Variants in NRG3 observed in about 807,000 individuals in gnomAD.
NRG3 encodes the protein neuregulin 3.
A neutral mutation model predicts 66.9 loss-of-function variants in NRG3; 31 were observed. The observed-to-expected ratio is 0.46, with a 90% CI of 0.35 to 0.63. The LOEUF (loss-of-function observed/expected upper bound fraction) is 0.63. Among genes scored for constraint, NRG3 ranks in the 20% least tolerant of loss-of-function variants. The pLI, the probability that NRG3 is intolerant of heterozygous loss-of-function variation, is 0.00. For synonymous variants in NRG3, 393 were observed against 359.4 expected (o/e 1.09, Z -1.06); for missense variants, 910 against 878.9 (o/e 1.04, Z -0.45).
At chr10:82,865,516 C>G (rs965410151) in intron 4 of NRG3, 79 bp downstream of exon 4, 8 of 1,404,928 alleles carry the variant, frequency 5.7e-6, no homozygotes, top group Admixed American at 3.9e-5. Flanking sequence ...CCTTCTCCAT[C>G]TGGTTATAAT....
At chr10:81,912,011 A>T (rs1228039986) in intron 1 of NRG3, among the ~76,000 whole-genome samples, 1 of 152,164 alleles carries the variant, frequency 6.6e-6, no homozygotes, top group Non-Finnish European at 1.5e-5. Context: ...GGAGAAAGAT[A>T]AAAAAAGTCT....
intron 3 of NRG3, among the ~76,000 whole-genome samples, chr10:82,836,037 C>T (rs1364991405): frequency 6.6e-6 from 1 of 152,132 alleles, no homozygotes; most frequent in Non-Finnish European, 1.5e-5. Context: ...TAAGAATGGT[C>T]TTCACATTTT....
At chr10:82,520,098 G>A (rs1590453090) in intron 2 of NRG3, among the ~76,000 whole-genome samples, 1 of 150,856 alleles carries the variant, frequency 6.6e-6, no homozygotes, top group East Asian at 1.9e-4. Flanking sequence ...TCTTTCTCCT[G>A]GACTAGTGTG....
chr10:82,512,211 C>T (rs1172438837), intron 2 of NRG3, among the ~76,000 whole-genome samples: 2 of 151,476 alleles, frequency 1.3e-5, no homozygotes, highest in African/African-American at 2.4e-5. Context: ...ATAAAATATA[C>T]ATATATAGAC....
chr10:82,506,468 A>G (rs1226183536), intron 2 of NRG3, among the ~76,000 whole-genome samples: 1 of 152,056 alleles, frequency 6.6e-6, no homozygotes. Flanking sequence ...CTTAGTTTTC[A>G]AAGAAACACA....
intron 1 of NRG3, among the ~76,000 whole-genome samples, chr10:82,011,730 G>T (rs11192159): frequency 0.18 from 26,729 of 152,096 alleles, 2,524 homozygotes; most frequent in Middle Eastern, 0.22. Flanking sequence ...ATCCAGCGGG[G>T]TAGTCAAATT....
At chr10:81,988,429 G>A (rs141076533) in intron 1 of NRG3, among the ~76,000 whole-genome samples, 65 of 152,270 alleles carry the variant, frequency 4.3e-4, no homozygotes, top group African/African-American at 1.5e-3. Flanking sequence ...GGCTCTTAGT[G>A]GTGGTTTTTG....
At chr10:82,655,532 G>A (rs1364719566) in intron 2 of NRG3, among the ~76,000 whole-genome samples, 1 of 152,114 alleles carries the variant, frequency 6.6e-6, no homozygotes, top group Non-Finnish European at 1.5e-5. Context: ...GAAGAATGTG[G>A]AGATACAGAT....
intron 4 of NRG3, among the ~76,000 whole-genome samples, chr10:82,921,438 G>A (rs1216688896): frequency 1.3e-5 from 2 of 152,166 alleles, no homozygotes; most frequent in African/African-American, 4.8e-5. Flanking sequence ...TCTGAATGAA[G>A]TATAGACTTT....
chr10:82,291,363 A>T (rs1322660155), intron 1 of NRG3, among the ~76,000 whole-genome samples: 1 of 152,222 alleles, frequency 6.6e-6, no homozygotes, highest in Non-Finnish European at 1.5e-5. Flanking sequence ...ATAATTGGAG[A>T]GACATATGGT....
At chr10:81,977,781 A>G (rs1251906800) in intron 1 of NRG3, among the ~76,000 whole-genome samples, 8 of 152,224 alleles carry the variant, frequency 5.3e-5, no homozygotes, top group Non-Finnish European at 1.0e-4. Context: ...CATTTATACA[A>G]TGGAGAAAGT....
intron 2 of NRG3, among the ~76,000 whole-genome samples, chr10:82,428,164 T>G (rs1021358169): frequency 6.6e-6 from 1 of 151,886 alleles, no homozygotes; most frequent in African/African-American, 2.4e-5. Flanking sequence ...TTTTGTTGAG[T>G]TTCTCTATAT....
intron 3 of NRG3, among the ~76,000 whole-genome samples, chr10:82,796,549 A>C (rs2060809925): frequency 6.6e-6 from 1 of 152,170 alleles, no homozygotes; most frequent in Admixed American, 6.6e-5. Context: ...AAATAGCTAC[A>C]ATAGAAGCAA....
chr10:81,950,228 AC>A (rs1207041069), intron 1 of NRG3, among the ~76,000 whole-genome samples: 1 of 152,196 alleles, frequency 6.6e-6, no homozygotes, highest in East Asian at 1.9e-4. Context: ...TTCATATCTA[AC>A]AGTCATTGTG....
chr10:82,751,850 C>T (rs1341638455), intron 3 of NRG3, among the ~76,000 whole-genome samples: 1 of 152,092 alleles, frequency 6.6e-6, no homozygotes, highest in Non-Finnish European at 1.5e-5. Flanking sequence ...GTTCCAAATA[C>T]AATCCTCAGA....
chr10:82,941,761 T>C (rs1020078324), intron 4 of NRG3, among the ~76,000 whole-genome samples: 4 of 152,178 alleles, frequency 2.6e-5, no homozygotes, highest in Non-Finnish European at 5.9e-5. Context: ...TTGAATATTG[T>C]TGTATTATGA....
chr10:82,868,881 C>A (rs181924926), intron 4 of NRG3, among the ~76,000 whole-genome samples: 96 of 152,030 alleles, frequency 6.3e-4, no homozygotes, highest in African/African-American at 2.2e-3. Context: ...TTAGTAGAAA[C>A]GGGTTTCACC....
intron 6 of NRG3, 99 bp downstream of exon 6, chr10:82,959,174 G>A (rs1850367500): frequency 1.5e-6 from 2 of 1,343,540 alleles, no homozygotes; most frequent in Non-Finnish European, 2.0e-6. Flanking sequence ...ATATTTTTCA[G>A]AGCTTTATAG....
intron 2 of NRG3, among the ~76,000 whole-genome samples, chr10:82,611,861 T>A (rs2048338266): frequency 6.6e-6 from 1 of 152,178 alleles, no homozygotes; most frequent in Non-Finnish European, 1.5e-5. Context: ...TCCACCATGG[T>A]TGAACTAATT....
Sources: allele counts gnomAD v4.1 joint callset (sites outside exome capture counted in the v4.1 genomes callset), GRCh38; gene constraint gnomAD v4.1.1; transcripts MANE v1.5; gene names NCBI Gene and HGNC (gene_info 2026-07-23, HGNC 2026-07-21).